The following PEX14 variants were observed in gnomAD, a reference collection of about 807,000 sequenced individuals.
The protein encoded by PEX14 is peroxisomal membrane protein PEX14.
A neutral mutation model predicts 49.5 loss-of-function variants in PEX14; 15 were observed. That is an observed-to-expected ratio of 0.30 (90% CI 0.20 to 0.47). The LOEUF is 0.47. PEX14 is among the 20% of genes least tolerant of loss of function. The pLI is 1.00. For synonymous variants in PEX14, 210 were observed against 212.7 expected (o/e 0.99, Z 0.11); for missense variants, 398 against 494.8 (o/e 0.80, Z 1.86).
At chr1:10,526,785 G>C (rs1223152676) in intron 2 of PEX14, among the ~76,000 whole-genome samples, 2 of 152,052 alleles carry the variant, frequency 1.3e-5, no homozygotes, top group Non-Finnish European at 2.9e-5. Context: ...AAAAAGTTCT[G>C]GATTTTGGAG....
In PEX14 at chr1:10,477,195, C is replaced by T. The variant is rs558576189; in HGVS notation, c.36+2193C>T. Among the ~76,000 whole-genome samples, 3 of 152,128 alleles carry T rather than the reference C, an allele frequency of 2.0e-5. No individual in the cohort carries two copies. In the East Asian group the frequency reaches 5.8e-4, roughly 29 times the overall value. ...ACGCCATTCTCCTGCCTCAGCCTCC[C>T]TAGTAGCTGGGACTACAGGCGCCCG... is the stretch of plus-strand genomic sequence containing the variant. On this transcript the variant is annotated intron_variant, in intron 1 of 8. Coordinates refer to ENST00000356607, the MANE Select transcript of PEX14 (RefSeq NM_004565.3).
At chr1:10,480,344 T>G (rs558967109) in intron 1 of PEX14, among the ~76,000 whole-genome samples, 4 of 150,444 alleles carry the variant, frequency 2.7e-5, no homozygotes, top group Non-Finnish European at 5.9e-5. Flanking sequence ...CTCAGCCTCC[T>G]GAGTAGCTGA....
At position 10,536,570 on chromosome 1, in the gene PEX14, A is replaced by G. The variant is rs1490326488; in HGVS notation, c.169+273A>G. ...CAGCATTCAGTAGCAGAGTCGGCCCATTGGATGAGACTGTGGAGGACTTCT... is the reference window on the plus strand; with the variant it reads ...CAGCATTCAGTAGCAGAGTCGGCCCGTTGGATGAGACTGTGGAGGACTTCT... On this transcript the variant is annotated intron_variant, in intron 3 of 8. Transcript: ENST00000356607. 2.2e-5 allele frequency: 10 copies of G among 454,390 alleles called. No homozygotes were observed. In the East Asian group the frequency reaches 3.0e-4, roughly 14 times the overall value. The allele number at this position is 454,390 out of a possible 1,614,324, so 28.1% of individuals were successfully genotyped here.
intron 2 of PEX14, among the ~76,000 whole-genome samples, chr1:10,515,034 G>C (rs935909832): frequency 6.6e-6 from 1 of 152,184 alleles, no homozygotes; most frequent in African/African-American, 2.4e-5. Flanking sequence ...GGGAGAGCCA[G>C]GCTGCTGCCT....
At chr1:10,482,899 G>A (rs1641306474) in intron 1 of PEX14, among the ~76,000 whole-genome samples, 1 of 152,172 alleles carries the variant, frequency 6.6e-6, no homozygotes, top group African/African-American at 2.4e-5. Flanking sequence ...TGTTTGGAGA[G>A]TCTGGACTAC....
rs1050915846 is a variant in PEX14 at position 10,494,420 on chromosome 1, C to T, written c.37-854C>T. On this transcript the variant is annotated intron_variant, in intron 1 of 8. Transcript: ENST00000356607. This position sits in a 1 kb window ranked among gnomAD's most constrained non-coding sequence, Gnocchi z 4.3. ...TGACCATCAGTCACAGTAAACTAAT[C>T]ATAGCTCACTTAGCAGCATACCTGC... Among the ~76,000 whole-genome samples, 21 of 152,252 alleles carry T rather than the reference C, an allele frequency of 1.4e-4. No homozygotes were observed. Among genetic ancestry groups the T allele is most frequent in the African/African-American group, 4.8e-4 (20 of 41,470 alleles).
chr1:10,515,574 T>C (rs370312628), intron 2 of PEX14, among the ~76,000 whole-genome samples: 12 of 152,160 alleles, frequency 7.9e-5, no homozygotes, highest in African/African-American at 2.9e-4. Context: ...CAGCCTCTTA[T>C]TTTTGTGTAT....
rs1236796385 is a variant in PEX14, at chr1:10,494,791, C to T, written c.37-483C>T. On this transcript the variant is annotated intron_variant, in intron 1 of 8. Transcript: ENST00000356607. This position sits in a 1 kb window ranked among gnomAD's most constrained non-coding sequence, Gnocchi z 4.3. ...GCTTCTGGGCTCCAGAAACTAGATG[C>T]CCAGAGAAAATCCTGAGCGTGGGCA... Among the ~76,000 whole-genome samples, 1 of 152,206 alleles carries T rather than the reference C, an allele frequency of 6.6e-6. No individual in the cohort carries two copies. The highest frequency in any genetic ancestry group is 1.5e-5 in the Non-Finnish European group (1 of 68,034).
chr1:10,591,496 C>G (rs1190315094), intron 3 of PEX14, among the ~76,000 whole-genome samples: 1 of 152,120 alleles, frequency 6.6e-6, no homozygotes. Flanking sequence ...TTATTTGAAT[C>G]AGAAATCTAT....
Position 10,630,377 on chromosome 1 carries a change from A to T in PEX14, c.*390A>T, listed in dbSNP as rs975850237. On this transcript the variant is annotated 3_prime_UTR_variant, in exon 9 of 9. Transcript: ENST00000356607. The surrounding 1 kb of genome is among the most constrained non-coding windows in gnomAD (Gnocchi z 4.1). The stretch of plus-strand genomic sequence containing the variant: ...ACGCATGGCCAGAGCTAGCGTCCCT[A>T]CTGCCTCCCGACTCCTCAGTGGAGG... 4.1e-6 allele frequency: 1 copy of T among 244,624 alleles called. No homozygotes were observed. Among genetic ancestry groups the T allele is most frequent in the South Asian group, 6.7e-5 (1 of 14,828 alleles). The allele number at this position is 244,624 out of a possible 1,614,324, so 15.2% of individuals were successfully genotyped here.
At position 10,568,338 on chromosome 1, in the gene PEX14, C is replaced by G. The variant is rs867267793; in HGVS notation, c.170-30900C>G. On this transcript the variant is annotated intron_variant, in intron 3 of 8. Transcript: ENST00000356607. Reference sequence around the variant, plus strand: ...TAGATACTCTTCCCCCCCCCCCCCCCACTCCCACTAACAGATAATCATATT... The same window carrying G: ...TAGATACTCTTCCCCCCCCCCCCCCGACTCCCACTAACAGATAATCATATT... Among the ~76,000 whole-genome samples, 15 of 81,874 alleles carry G rather than the reference C, an allele frequency of 1.8e-4. No homozygotes were observed. The East Asian group carries it at 5.0e-3, about 27-fold the overall frequency. The allele number at this position is 81,874 out of a possible 152,430, so 53.7% of individuals were successfully genotyped here.
At chr1:10,483,379 T>TA (rs1641315099) in intron 1 of PEX14, among the ~76,000 whole-genome samples, 1 of 151,988 alleles carries the variant, frequency 6.6e-6, no homozygotes, top group African/African-American at 2.4e-5. Flanking sequence ...TGCAGTGGTA[T>TA]GATCTCGGCT....
chr1:10,521,356 C>T (rs186213360), intron 2 of PEX14, among the ~76,000 whole-genome samples: 8 of 152,158 alleles, frequency 5.3e-5, no homozygotes, highest in South Asian at 4.2e-4. Context: ...TGGGGGTGCC[C>T]GTGGAGGCAG....
intron 4 of PEX14, among the ~76,000 whole-genome samples, chr1:10,604,093 A>G (rs934672621): frequency 6.6e-6 from 1 of 152,236 alleles, no homozygotes; most frequent in Non-Finnish European, 1.5e-5. Context: ...GAGACTAACA[A>G]GACCTGGTCG....
chr1:10,525,470 C>A (rs17035156), intron 2 of PEX14, among the ~76,000 whole-genome samples: 22,710 of 152,170 alleles, frequency 0.15, 1,859 homozygotes, highest in South Asian at 0.3. Context: ...GAAAATGGAA[C>A]CTGACCACCA....
intron 2 of PEX14, among the ~76,000 whole-genome samples, chr1:10,522,968 G>A (rs897075787): frequency 6.6e-6 from 1 of 152,198 alleles, no homozygotes; most frequent in African/African-American, 2.4e-5. Flanking sequence ...GGTGTTATAA[G>A]CATAGCTGTG....
chr1:10,610,983 C>A (rs1053443085), intron 4 of PEX14, among the ~76,000 whole-genome samples: 2 of 152,034 alleles, frequency 1.3e-5, no homozygotes, highest in African/African-American at 4.8e-5. Context: ...TGCGGTTGCT[C>A]ACGCCTGTAA....
At chr1:10,509,797 G>A (rs1009756216) in intron 2 of PEX14, among the ~76,000 whole-genome samples, 8 of 152,184 alleles carry the variant, frequency 5.3e-5, no homozygotes, top group Non-Finnish European at 1.0e-4. Flanking sequence ...GGCTTTGGGA[G>A]GAAGGGAGGA....
chr1:10,499,026 TG>T lies in PEX14; in HGVS notation c.84+3707del, dbSNP rs377309992. On this transcript the variant is annotated intron_variant, in intron 2 of 8. Coordinates refer to ENST00000356607, the MANE Select transcript of PEX14 (RefSeq NM_004565.3). ...GTCCTAGTAGGACCAAGTCCCTGCC[TG>T]GTCTATAAGTATTTTAGAATGGGCG... Among the ~76,000 whole-genome samples the T allele has an allele frequency of 9.2e-5, 14 of 152,360 alleles. No homozygotes were observed. The East Asian group carries it at 2.5e-3, about 27-fold the overall frequency.
Sources: gnomAD v4.1 joint callset for allele counts (sites outside exome capture counted in the v4.1 genomes callset) on GRCh38, gnomAD v4.1.1 for gene constraint, Gnocchi (gnomAD v3.1) non-coding constraint, MANE v1.5 for transcripts, NCBI Gene and HGNC (gene_info 2026-07-23, HGNC 2026-07-21) for gene names.